Variants in PCDHA9 observed in about 807,000 individuals in gnomAD.
PCDHA9 encodes protocadherin alpha-9.
In PCDHA9, 62 loss-of-function variants were observed where a neutral mutation model predicts 62.0. That is an observed-to-expected ratio of 1.00 (90% confidence interval 0.81 to 1.23). PCDHA9 has a LOEUF of 1.23. PCDHA9 is among the 50% of genes most tolerant of loss of function. The probability of loss-of-function intolerance (pLI) is 0.00; values close to 1 mark genes in which losing one functional copy is unlikely to be tolerated. For synonymous variants in PCDHA9, 557 were observed against 567.6 expected, an observed-to-expected ratio of 0.98 and a Z score of 0.27; for missense variants, 1,205 against 1,249.8, an observed-to-expected ratio of 0.96 and a Z score of 0.54.
intron 1 of PCDHA9, among the ~76,000 whole-genome samples, chr5:140,950,542 A>G (rs1332265340): frequency 1.3e-5 from 2 of 152,014 alleles, no homozygotes; most frequent in Non-Finnish European, 2.9e-5. Flanking sequence ...TTGCTCTTGC[A>G]TGGCTGGGGG....
Position 140,887,790 on chromosome 5 carries a change from T to C in PCDHA9, c.2394+36901T>C, listed in dbSNP as rs564215639. On this transcript the variant is annotated intron_variant, in intron 1 of 3. Coordinates refer to ENST00000532602, the MANE Select transcript of PCDHA9 (RefSeq NM_031857.2). ...ACAATGACACAGGTCATTGAAGCGT[T>C]CTTTATTTTTGTCCATTTCTTTCTC... Among the ~76,000 whole-genome samples, 4 of 152,288 alleles carry C rather than the reference T, an allele frequency of 2.6e-5. No individual in the cohort carries two copies. The East Asian group carries it at 7.7e-4, about 29-fold the overall frequency.
intron 2 of PCDHA9, among the ~76,000 whole-genome samples, chr5:140,980,357 C>T (rs191882864): frequency 1.6e-3 from 239 of 152,238 alleles, no homozygotes; most frequent in Middle Eastern, 6.8e-3. Flanking sequence ...CTGGACTGGG[C>T]GCGGTGGCTC....
intron 1 of PCDHA9, chr5:140,863,320 CT>C: frequency 6.9e-7 from 1 of 1,445,292 alleles, no homozygotes; most frequent in South Asian, 1.1e-5. Flanking sequence ...GGTGTCCAGC[CT>C]GTTAGTGCTC....
intron 1 of PCDHA9, among the ~76,000 whole-genome samples, chr5:140,956,813 T>C (rs1306502330): frequency 6.6e-6 from 1 of 152,176 alleles, no homozygotes; most frequent in African/African-American, 2.4e-5. Context: ...TATTATTGCT[T>C]CAATTTGTAA....
intron 1 of PCDHA9, chr5:140,863,119 A>T: frequency 1.7e-6 from 1 of 591,284 alleles, no homozygotes; most frequent in Non-Finnish European, 3.3e-6. Context: ...GGCGAAAGCT[A>T]CGCGCCACCG....
In PCDHA9 at chr5:140,894,992, T is replaced by C. The variant is rs78280553; in HGVS notation, c.2394+44103T>C. Among the ~76,000 whole-genome samples, 440 of 152,300 alleles carry C rather than the reference T, an allele frequency of 2.9e-3. 1 individual carries two copies. The highest frequency in any genetic ancestry group is 0.01 in the African/African-American group (421 of 41,556). On this transcript the variant is annotated intron_variant, in intron 1 of 3. Transcript: ENST00000532602. ...TAATGTCTTACTTTGTGACATCCTT[T>C]ACCCTTTTTACTTGGACCTTTTTCC...
intron 1 of PCDHA9, among the ~76,000 whole-genome samples, chr5:140,924,892 C>A: frequency 1.2e-5 from 1 of 82,680 alleles, no homozygotes; most frequent in Admixed American, 1.2e-4. Context: ...AAGAACCTGT[C>A]TCAAAAAAAA....
intron 1 of PCDHA9, among the ~76,000 whole-genome samples, chr5:140,889,913 T>C (rs1287325026): frequency 6.6e-6 from 1 of 152,172 alleles, no homozygotes; most frequent in Admixed American, 6.5e-5. Context: ...ATTGTCATAC[T>C]GTAAAGAAGC....
chr5:140,967,645 G>A lies in PCDHA9; in HGVS notation c.2395-11304G>A, dbSNP rs782043521. ...ATGAGGGCTCCAATGGTGAGCTCAG[G>A]TACTCCTTGAGCAGCTACACGTCGG... On this transcript the variant is annotated intron_variant, in intron 1 of 3. Transcript: ENST00000532602. 1.9e-5 allele frequency: 30 copies of A among 1,614,144 alleles called. 1 individual carries two copies. In the South Asian group the frequency reaches 3.2e-4, roughly 17 times the overall value.
At chr5:140,945,630 A>C (rs1445072054) in intron 1 of PCDHA9, among the ~76,000 whole-genome samples, 1 of 152,166 alleles carries the variant, frequency 6.6e-6, no homozygotes, top group African/African-American at 2.4e-5. Context: ...CTGGCATAAA[A>C]GACATGTAGA....
intron 1 of PCDHA9, among the ~76,000 whole-genome samples, chr5:140,937,039 C>CT (rs34994034): frequency 0.49 from 69,094 of 140,108 alleles, 17,193 homozygotes; most frequent in East Asian, 0.59. Flanking sequence ...TTCCATTTAT[C>CT]TTTTTTTTTT....
chr5:140,881,579 C>T (rs1299755224), intron 1 of PCDHA9, among the ~76,000 whole-genome samples: 1 of 152,168 alleles, frequency 6.6e-6, no homozygotes, highest in Non-Finnish European at 1.5e-5. Context: ...TCTCAAGTCA[C>T]ATTGAGGGAA....
chr5:140,853,320 T>G lies in PCDHA9; in HGVS notation c.2394+2431T>G, dbSNP rs375907981. 1.5e-5 allele frequency: 15 copies of G among 984,926 alleles called. 1 individual carries two copies. The highest frequency in any genetic ancestry group is 5.3e-4 in the Middle Eastern group (1 of 1,886). The allele number at this position is 984,926 out of a possible 1,614,324, so 61.0% of individuals were successfully genotyped here. On this transcript the variant is annotated intron_variant, in intron 1 of 3. Coordinates refer to ENST00000532602, the MANE Select transcript of PCDHA9 (RefSeq NM_031857.2). ...GGGCTGTGAACACCTTAGTAATAAA[T>G]TTATCTTTTGAGGTCATTAGCAAAC...
At chr5:140,892,673 T>C (rs1554185319) in intron 1 of PCDHA9, among the ~76,000 whole-genome samples, 1 of 152,262 alleles carries the variant, frequency 6.6e-6, no homozygotes, top group East Asian at 1.9e-4. Flanking sequence ...TTGATACATA[T>C]ATACAATGTA....
rs140356413 is a variant in PCDHA9, at chr5:140,945,687, T to C, written c.2395-33262T>C. On this transcript the variant is annotated intron_variant, in intron 1 of 3. Transcript: ENST00000532602. ...CCCAGAAATAAATCCACACAGTTAC[T>C]GTCCACTGATTTGCAACAAAAGTAT... 6.6e-3 allele frequency among the ~76,000 whole-genome samples: 1,005 copies of C among 152,204 alleles called. 10 individuals carry two copies. The highest frequency in any genetic ancestry group is 0.023 in the African/African-American group (952 of 41,538).
chr5:140,984,550 A>C (rs1486017679), intron 3 of PCDHA9, among the ~76,000 whole-genome samples: 1 of 152,134 alleles, frequency 6.6e-6, no homozygotes, highest in Non-Finnish European at 1.5e-5. Flanking sequence ...GATAGAGCTT[A>C]CATCTTCCAA....
At chr5:140,862,755 C>A in intron 1 of PCDHA9, 1 of 577,344 alleles carries the variant, frequency 1.7e-6, no homozygotes, top group South Asian at 1.4e-5. Context: ...ACGCGGAGAG[C>A]GGCAAGAGGT....
In PCDHA9 at chr5:140,876,087, G is replaced by T. The variant is rs1554168252; in HGVS notation, c.2394+25198G>T. ...GGAAGTTATTGGACAGAGAGCAAAC[G>T]CCAAAACTCAATTTATTGCTGATGG... On this transcript the variant is annotated intron_variant, in intron 1 of 3. Coordinates refer to ENST00000532602, the MANE Select transcript of PCDHA9 (RefSeq NM_031857.2). The T allele has an allele frequency of 1.9e-6, 3 of 1,613,922 alleles. No individual in the cohort carries two copies. The South Asian group carries it at 3.3e-5, about 18-fold the overall frequency.
At position 140,928,355 on chromosome 5, in the gene PCDHA9, T is replaced by C. The variant is rs368876306; in HGVS notation, c.2395-50594T>C. On this transcript the variant is annotated intron_variant, in intron 1 of 3. Coordinates refer to ENST00000532602, the MANE Select transcript of PCDHA9 (RefSeq NM_031857.2). ...GTCTCTTATGAGCTGTTGGATGTTA[T>C]CTCTGAAGGGCCATCAGCCTCTAGC... 8.1e-6 allele frequency: 13 copies of C among 1,614,062 alleles called. No individual in the cohort carries two copies. The African/African-American group carries it at 1.6e-4, about 20-fold the overall frequency.
Sources: allele counts gnomAD v4.1 joint callset (sites outside exome capture counted in the v4.1 genomes callset), GRCh38; gene constraint gnomAD v4.1.1; transcripts MANE v1.5; gene names NCBI Gene and HGNC (gene_info 2026-07-23, HGNC 2026-07-21).